The following ERC1 variants were observed in gnomAD, a reference collection of about 807,000 sequenced individuals.
The protein encoded by ERC1 is ELKS/RAB6-interacting/CAST family member 1.
ERC1 carries 56 observed loss-of-function variants against 132.0 expected under a neutral mutation model. The observed-to-expected ratio is 0.42, with a 90% CI of 0.34 to 0.53. ERC1 has a LOEUF of 0.53. Ranked by LOEUF, ERC1 falls within the 20% of genes least tolerant of loss-of-function variation. The pLI is 0.03. For synonymous variants in ERC1, 478 were observed against 476.1 expected, an observed-to-expected ratio of 1.00 and a Z score of -0.05; for missense variants, 1,202 against 1,349.9, an observed-to-expected ratio of 0.89 and a Z score of 1.72.
intron 12 of ERC1, among the ~76,000 whole-genome samples, chr12:1,210,508 T>G (rs1957761963): frequency 6.6e-6 from 1 of 152,206 alleles, no homozygotes; most frequent in Non-Finnish European, 1.5e-5. Context: ...AACTAGTTCT[T>G]TTTGCAAGCA....
At chr12:1,123,530 T>A (rs1486239093) in intron 7 of ERC1, among the ~76,000 whole-genome samples, 2 of 152,206 alleles carry the variant, frequency 1.3e-5, no homozygotes, top group African/African-American at 4.8e-5. Context: ...GAAAAAAATT[T>A]AAAAATAAAA....
At chr12:1,227,264 T>C (rs567442742) in intron 12 of ERC1, among the ~76,000 whole-genome samples, 4 of 152,348 alleles carry the variant, frequency 2.6e-5, no homozygotes, top group African/African-American at 9.6e-5. Flanking sequence ...ACCAGGATTC[T>C]CTTTTCTCCA....
chr12:1,110,922 T>C (rs1256412901), intron 5 of ERC1, among the ~76,000 whole-genome samples: 1 of 152,160 alleles, frequency 6.6e-6, no homozygotes, highest in Non-Finnish European at 1.5e-5. Flanking sequence ...CTGGCTGGTC[T>C]TGAACTCCTG....
intron 12 of ERC1, among the ~76,000 whole-genome samples, chr12:1,210,735 C>T (rs1957786931): frequency 1.3e-5 from 2 of 152,136 alleles, no homozygotes; most frequent in Non-Finnish European, 2.9e-5. Context: ...GTGGCTCACG[C>T]CTGTAATCCC....
At chr12:1,037,689 A>G (rs755380512) in intron 2 of ERC1, among the ~76,000 whole-genome samples, 7 of 152,184 alleles carry the variant, frequency 4.6e-5, no homozygotes, top group Non-Finnish European at 7.3e-5. Context: ...CAAACACTGG[A>G]AAAATGAGCA....
intron 1 of ERC1, among the ~76,000 whole-genome samples, chr12:1,013,724 C>A (rs1162468935): frequency 7.9e-5 from 12 of 152,066 alleles, no homozygotes; most frequent in Non-Finnish European, 1.8e-4. Flanking sequence ...TATTTTCTTT[C>A]TGTCTTTCTG....
intron 7 of ERC1, among the ~76,000 whole-genome samples, chr12:1,129,093 G>T (rs1293663957): frequency 4.6e-5 from 7 of 152,168 alleles, no homozygotes; most frequent in Admixed American, 1.3e-4. Context: ...GATAGGAATG[G>T]ATTCTTCAAT....
intron 12 of ERC1, among the ~76,000 whole-genome samples, chr12:1,193,740 T>C (rs1208243035): frequency 1.3e-5 from 2 of 152,182 alleles, no homozygotes; most frequent in Admixed American, 6.5e-5. Flanking sequence ...CTGGGAAACC[T>C]CAGCCCTGTT....
rs1592543000 is a variant in ERC1 at position 993,501 on chromosome 12, C to T, written c.-157+2179C>T. Among the ~76,000 whole-genome samples the T allele has an allele frequency of 2.0e-5, 3 of 152,346 alleles. No homozygotes were observed. The East Asian group carries it at 5.8e-4, about 29-fold the overall frequency. On this transcript the variant is annotated intron_variant, in intron 1 of 18. Coordinates refer to ENST00000360905, the MANE Select transcript of ERC1 (RefSeq NM_178040.4). ...AAAAAATGTTGCTTGCTAGTCATTACTTGTGATATCCTTGTTGAGTCTACT... is the reference window on the plus strand; with the variant it reads ...AAAAAATGTTGCTTGCTAGTCATTATTTGTGATATCCTTGTTGAGTCTACT...
intron 16 of ERC1, chr12:1,380,087 T>A (rs976530965): frequency 6.6e-6 from 1 of 152,222 alleles, no homozygotes; most frequent in Admixed American, 6.5e-5. Context: ...ACATACTGTA[T>A]GATTCCACCA....
intron 12 of ERC1, among the ~76,000 whole-genome samples, chr12:1,230,565 G>A (rs932564309): frequency 6.6e-6 from 1 of 152,124 alleles, no homozygotes; most frequent in Non-Finnish European, 1.5e-5. Context: ...CTGTTGGATG[G>A]ATGTTTCATA....
rs977582515 is a variant in ERC1 at position 1,115,946 on chromosome 12, C to G, written c.1482C>G (p.Asn494Lys). The G allele has an allele frequency of 6.2e-7, 1 of 1,614,008 alleles. No homozygotes were observed. The highest frequency in any genetic ancestry group is 8.5e-7 in the Non-Finnish European group (1 of 1,179,982). ...AGACAAAGCTAGAAACACTCACAAA[C>G]CAGTTCTCAGATAGTAAACAGCACA... ...ALQTKLETLT[N>K]QFSDSKQHIE... Residue 494 changes from asparagine (N) to lysine (K), a missense_variant, in exon 7 of 19, where the codon AAC becomes AAG. By Grantham distance (94) the Asn-to-Lys change is moderately conservative (BLOSUM62 0). Coordinates refer to ENST00000360905, the MANE Select transcript of ERC1 (RefSeq NM_178040.4).
At chr12:1,326,469 C>CCTG (rs2082451685) in intron 15 of ERC1, among the ~76,000 whole-genome samples, 2 of 152,280 alleles carry the variant, frequency 1.3e-5, no homozygotes, top group South Asian at 4.1e-4. Flanking sequence ...AAAAAGGATG[C>CCTG]AAACTAAGTT....
At chr12:1,358,976 G>T (rs1382965644) in intron 15 of ERC1, among the ~76,000 whole-genome samples, 1 of 152,172 alleles carries the variant, frequency 6.6e-6, no homozygotes, top group Non-Finnish European at 1.5e-5. Flanking sequence ...ATAAGAGTTT[G>T]CTTCATTTTT....
At chr12:1,410,276 A>G in intron 17 of ERC1, 1 of 412,762 alleles carries the variant, frequency 2.4e-6, no homozygotes, top group South Asian at 1.8e-5. Flanking sequence ...GAGAGAGTCA[A>G]GAAATTCTCT....
At chr12:1,257,995 G>T (rs2076912332) in intron 13 of ERC1, among the ~76,000 whole-genome samples, 1 of 152,102 alleles carries the variant, frequency 6.6e-6, no homozygotes, top group Non-Finnish European at 1.5e-5. Context: ...GACTAGCCAC[G>T]TTTAATCACC....
intron 8 of ERC1, among the ~76,000 whole-genome samples, chr12:1,155,518 C>G (rs1409609243): frequency 6.6e-6 from 1 of 151,930 alleles, no homozygotes; most frequent in African/African-American, 2.4e-5. Flanking sequence ...CTCTGTCGCC[C>G]AGGCTGGATT....
At chr12:1,279,612 C>T (rs1472557166) in intron 14 of ERC1, among the ~76,000 whole-genome samples, 1 of 150,960 alleles carries the variant, frequency 6.6e-6, no homozygotes, top group African/African-American at 2.4e-5. Flanking sequence ...AATTAAACCC[C>T]AGAAATGACT....
chr12:1,394,332 G>A (rs185912274), intron 16 of ERC1, among the ~76,000 whole-genome samples: 15 of 152,060 alleles, frequency 9.9e-5, no homozygotes, highest in South Asian at 4.2e-4. Flanking sequence ...CCTGGGAGGC[G>A]GAGCTTGCAG....
Sources: gnomAD v4.1 joint callset for allele counts (sites outside exome capture counted in the v4.1 genomes callset) on GRCh38, gnomAD v4.1.1 for gene constraint, MANE v1.5 for transcripts, NCBI Gene and HGNC (gene_info 2026-07-23, HGNC 2026-07-21) for gene names.